Variants in IL1RAPL2 observed in about 807,000 individuals in gnomAD.
IL1RAPL2 encodes interleukin 1 receptor accessory protein like 2.
In IL1RAPL2, 3 loss-of-function variants were observed where a neutral mutation model predicts 44.1. The observed-to-expected ratio is 0.07, with a 90% CI of 0.03 to 0.18. The LOEUF is 0.18. IL1RAPL2 is among the 10% of genes least tolerant of loss of function. The probability of loss-of-function intolerance (pLI) is 1.00; values close to 1 mark genes in which losing one functional copy is unlikely to be tolerated. For missense variants in IL1RAPL2, 391 were observed against 496.4 expected, an observed-to-expected ratio of 0.79 and a Z score of 2.02; for synonymous variants, 181 against 178.8, an observed-to-expected ratio of 1.01 and a Z score of -0.10.
intron 5 of IL1RAPL2, among the ~76,000 whole-genome samples, chrX:105,438,959 C>G (rs904530202): frequency 9.0e-6 from 1 of 110,520 alleles, no homozygotes; most frequent in Middle Eastern, 4.3e-3. Context: ...GCGGTTTCCC[C>G]CACGCTGTTT....
At chrX:104,746,875 C>T (rs528974247) in intron 2 of IL1RAPL2, among the ~76,000 whole-genome samples, 1 of 110,855 alleles carries the variant, frequency 9.0e-6, no homozygotes, top group Admixed American at 9.6e-5. Flanking sequence ...AAGTGATAGC[C>T]CCAGGATTAA....
rs538897630 is a variant in IL1RAPL2, at chrX:105,728,363, A to T, written c.902+10867A>T. ...ATGTCTTTTCATGACAAAATACTTT[A>T]AAAAATGCATTCATTTATTCAATGT... On this transcript the variant is annotated intron_variant, in intron 7 of 10. Transcript: ENST00000372582. Among the ~76,000 whole-genome samples, 11 of 111,664 alleles carry T rather than the reference A, an allele frequency of 9.9e-5. No individual in the cohort carries two copies. In the South Asian group the frequency reaches 2.6e-3, roughly 26 times the overall value.
At position 104,606,478 on chromosome X, in the gene IL1RAPL2, G is replaced by T. The variant is rs760448871; in HGVS notation, c.-20+39427G>T. On this transcript the variant is annotated intron_variant, in intron 1 of 10. Transcript: ENST00000372582. Reference sequence around the variant, plus strand: ...CTGGAAGTTCTGGCCAGGGCAATCAGGCAAGAGAAAGAAATAAAAGTATTC... The same window carrying T: ...CTGGAAGTTCTGGCCAGGGCAATCATGCAAGAGAAAGAAATAAAAGTATTC... Among the ~76,000 whole-genome samples, 9 of 111,522 alleles carry T rather than the reference G, an allele frequency of 8.1e-5. No individual in the cohort carries two copies. In the South Asian group the frequency reaches 1.9e-3, roughly 24 times the overall value.
intron 2 of IL1RAPL2, among the ~76,000 whole-genome samples, chrX:104,684,863 C>T (rs1283414777): frequency 8.9e-6 from 1 of 112,267 alleles, no homozygotes; most frequent in African/African-American, 3.2e-5. Context: ...CTCTGATTTG[C>T]CCAAAAAGCT....
At chrX:105,114,773 G>A (rs142427155) in intron 2 of IL1RAPL2, among the ~76,000 whole-genome samples, 92 of 112,048 alleles carry the variant, frequency 8.2e-4, no homozygotes, top group African/African-American at 2.9e-3. Flanking sequence ...TTGCCAAGCA[G>A]CTTTTTCCCC....
chrX:105,116,441 G>T (rs1015340490), intron 2 of IL1RAPL2, among the ~76,000 whole-genome samples: 2 of 112,768 alleles, frequency 1.8e-5, no homozygotes, highest in African/African-American at 3.2e-5. Context: ...TCATGATCCA[G>T]TTGTATAAAT....
At chrX:104,624,989 T>C (rs1929472377) in intron 1 of IL1RAPL2, among the ~76,000 whole-genome samples, 1 of 112,417 alleles carries the variant, frequency 8.9e-6, no homozygotes, top group African/African-American at 3.2e-5. Context: ...TCACTATATA[T>C]ACTTCTGTAG....
At chrX:105,082,728 A>G (rs767021934) in intron 2 of IL1RAPL2, among the ~76,000 whole-genome samples, 59 of 112,058 alleles carry the variant, frequency 5.3e-4, no homozygotes, top group Non-Finnish European at 1.0e-3. Context: ...TAGAAGGAAA[A>G]CTAACAAACA....
At chrX:104,957,218 C>T (rs1235096957) in intron 2 of IL1RAPL2, among the ~76,000 whole-genome samples, 1 of 112,250 alleles carries the variant, frequency 8.9e-6, no homozygotes, top group Non-Finnish European at 1.9e-5. Flanking sequence ...AGAGTAGAGG[C>T]ACCAAGGGTG....
intron 2 of IL1RAPL2, among the ~76,000 whole-genome samples, chrX:104,978,584 GATGAAAGAAAGAAGAT>G (rs1413514649): frequency 9.0e-6 from 1 of 111,625 alleles, no homozygotes; most frequent in Non-Finnish European, 1.9e-5. Flanking sequence ...AATGCAATTA[GATGAAAGAAAGAAGAT>G]ATGTAAAAAC....
At chrX:105,119,608 A>G (rs1373550428) in intron 2 of IL1RAPL2, among the ~76,000 whole-genome samples, 3 of 29,772 alleles carry the variant, frequency 1.0e-4, no homozygotes, top group African/African-American at 1.4e-4. Flanking sequence ...ATAACTTCTG[A>G]CCTATTTAGT....
At chrX:105,183,897 C>T (rs1429455284) in intron 2 of IL1RAPL2, among the ~76,000 whole-genome samples, 1 of 111,387 alleles carries the variant, frequency 9.0e-6, no homozygotes, top group African/African-American at 3.3e-5. Flanking sequence ...CAACATGGCA[C>T]CATGGCACAG....
At chrX:104,777,747 T>G (rs1245335388) in intron 2 of IL1RAPL2, among the ~76,000 whole-genome samples, 1 of 108,795 alleles carries the variant, frequency 9.2e-6, no homozygotes, top group African/African-American at 3.3e-5. Context: ...CAGCTAATTT[T>G]TTTTTTGTAT....
chrX:105,038,541 T>G (rs2031667392), intron 2 of IL1RAPL2, among the ~76,000 whole-genome samples: 1 of 111,201 alleles, frequency 9.0e-6, no homozygotes, highest in Non-Finnish European at 1.9e-5. Flanking sequence ...AGAATCTGTT[T>G]CTTTTTTTAA....
At chrX:105,448,076 T>C (rs756481407) in intron 5 of IL1RAPL2, among the ~76,000 whole-genome samples, 2 of 106,418 alleles carry the variant, frequency 1.9e-5, no homozygotes, top group South Asian at 7.6e-4. Context: ...GTCTCCTGGC[T>C]TGTGTGGTTT....
At chrX:105,504,162 C>G (rs958997052) in intron 6 of IL1RAPL2, among the ~76,000 whole-genome samples, 1 of 111,365 alleles carries the variant, frequency 9.0e-6, no homozygotes, top group Admixed American at 9.6e-5. Flanking sequence ...AATCTGAATG[C>G]CTGGATATTT....
chrX:105,037,311 C>T (rs1484605899), intron 2 of IL1RAPL2, among the ~76,000 whole-genome samples: 1 of 110,972 alleles, frequency 9.0e-6, no homozygotes, highest in Non-Finnish European at 1.9e-5. Flanking sequence ...TTTGGGAAAA[C>T]TGAACAATAT....
rs752716826 is a variant in IL1RAPL2 at position 104,946,056 on chromosome X, TA to T, written c.83-249418del. ...TTACAAAGTCCAAATTATCATTTAT[TA>T]TTTTTTTATATTCCATGCTTGTGCA... On this transcript the variant is annotated intron_variant, in intron 2 of 10. Transcript: ENST00000372582. Among the ~76,000 whole-genome samples, 17 of 110,379 alleles carry T rather than the reference TA, an allele frequency of 1.5e-4. No individual in the cohort carries two copies. The East Asian group carries it at 4.3e-3, about 28-fold the overall frequency.
At chrX:105,678,779 T>C (rs2147521434) in intron 6 of IL1RAPL2, among the ~76,000 whole-genome samples, 2 of 111,588 alleles carry the variant, frequency 1.8e-5, no homozygotes, top group South Asian at 7.4e-4. Flanking sequence ...CCTAAGGAGA[T>C]ACCAGGTCTT....
Sources: allele counts gnomAD v4.1 joint callset (sites outside exome capture counted in the v4.1 genomes callset), GRCh38; gene constraint gnomAD v4.1.1; transcripts MANE v1.5; gene names NCBI Gene and HGNC (gene_info 2026-07-23, HGNC 2026-07-21).